The following SDK2 variants were observed in gnomAD, a reference collection of about 807,000 sequenced individuals.
SDK2 encodes the protein protein sidekick-2.
Under a neutral mutation model 253.9 loss-of-function variants are expected in SDK2, and 105 were observed. The observed-to-expected ratio is 0.41, with a 90% CI of 0.35 to 0.49. The LOEUF is 0.49. Ranked by LOEUF, SDK2 falls within the 20% of genes least tolerant of loss-of-function variation. The pLI is 0.06. For missense variants in SDK2, 2,608 were observed against 3,003.0 expected, an observed-to-expected ratio of 0.87 and a Z score of 3.07; for synonymous variants, 1,249 against 1,234.9, an observed-to-expected ratio of 1.01 and a Z score of -0.24.
At chr17:73,614,607 C>T (rs74644511) in intron 1 of SDK2, among the ~76,000 whole-genome samples, 15 of 35,312 alleles carry the variant, frequency 4.2e-4, no homozygotes, top group African/African-American at 1.6e-3. Context: ...ATTGAAAAGG[C>T]GGAGGGAGGG....
intron 3 of SDK2, among the ~76,000 whole-genome samples, chr17:73,464,684 TCTC>T (rs1175854941): frequency 1.3e-5 from 2 of 152,130 alleles, no homozygotes; most frequent in African/African-American, 4.8e-5. Context: ...CCTGGAATGA[TCTC>T]CTCCTCTGTC....
chr17:73,363,546 C>A (rs2062658858), intron 38 of SDK2, among the ~76,000 whole-genome samples: 1 of 152,132 alleles, frequency 6.6e-6, no homozygotes, highest in Non-Finnish European at 1.5e-5. Context: ...GGCTGCTGGG[C>A]TTTTGTGAGG....
At chr17:73,524,860 C>T (rs966465634) in intron 1 of SDK2, among the ~76,000 whole-genome samples, 1 of 152,268 alleles carries the variant, frequency 6.6e-6, no homozygotes, top group African/African-American at 2.4e-5. Context: ...ACAGAGCCAT[C>T]GCTGGGTGCT....
rs58109602 is a variant in SDK2 at position 73,409,853 on chromosome 17, GTC to G, written c.2484+4789_2484+4790del. On this transcript the variant is annotated intron_variant, in intron 18 of 44. Coordinates refer to ENST00000392650, the MANE Select transcript of SDK2 (RefSeq NM_001144952.2). ...TCTCTGTGTCTGTCTGTCTGTCTCT[GTC>G]TCTCTCTTTCTTTTTTTGACACAGG... is the stretch of plus-strand genomic sequence containing the variant. Among the ~76,000 whole-genome samples the G allele has an allele frequency of 3.6e-3, 549 of 151,974 alleles. 2 individuals carry two copies. The highest frequency in any genetic ancestry group is 0.013 in the African/African-American group (520 of 41,400).
chr17:73,602,715 T>TG (rs1039729065), intron 1 of SDK2, among the ~76,000 whole-genome samples: 1 of 151,954 alleles, frequency 6.6e-6, no homozygotes, highest in Non-Finnish European at 1.5e-5. Flanking sequence ...TTCTCAACCC[T>TG]GGCGCTATTT....
intron 1 of SDK2, among the ~76,000 whole-genome samples, chr17:73,594,452 TTGG>T (rs2045725421): frequency 6.6e-6 from 1 of 151,890 alleles, no homozygotes; most frequent in South Asian, 2.1e-4. Flanking sequence ...CTGGAAAGTG[TTGG>T]TGGTGGGGAT....
intron 2 of SDK2, among the ~76,000 whole-genome samples, chr17:73,497,724 AC>A (rs567415608): frequency 1.7e-4 from 25 of 151,324 alleles, no homozygotes; most frequent in African/African-American, 6.1e-4. Context: ...GCTCTCTTCC[AC>A]CCGCTTCTCA....
In SDK2 at chr17:73,361,698, G is replaced by C; in HGVS notation, c.5453C>G (p.Thr1818Arg). 6.2e-7 allele frequency: 1 copy of C among 1,611,820 alleles called. No homozygotes were observed. The highest frequency in any genetic ancestry group is 8.5e-7 in the Non-Finnish European group (1 of 1,178,092). The stretch of plus-strand genomic sequence containing the variant: ...TGCTCTCCTACCTTCTCCGGGGCCC[G>C]TGGTGACGTTGGCTTCGATCTCCGG... ...YGPEIEANVT[T>R]GPGEGAPGPP... The change falls in exon 39 of 45, where the codon ACG becomes AGG. Residue 1818 changes from threonine (T) to arginine (R), a missense_variant. Thr to Arg is a moderately conservative substitution (Grantham distance 71). This residue lies in a region of SDK2 where 1,103 missense variants were observed against 1,143.9 expected (regional missense o/e 0.96). Transcript: ENST00000392650. The surrounding 1 kb of genome is among the most constrained non-coding windows in gnomAD (Gnocchi z 4.1).
At chr17:73,438,219 C>T (rs1361768521) in intron 6 of SDK2, 65 bp from the exon 7 acceptor site, 10 of 1,452,174 alleles carry the variant, frequency 6.9e-6, no homozygotes, top group Middle Eastern at 1.8e-4. Flanking sequence ...AGAGGCAGGG[C>T]AGGGGGTGGT....
rs954179972 is a variant in SDK2, at chr17:73,352,095, A to G, written c.5758+378T>C. ...CCCACCTGTGTCTCTGCTGCTCTGC[A>G]GGCTGCTGACCCTGCCACGTTGGGG... On this transcript the variant is annotated intron_variant, in intron 41 of 44. Transcript: ENST00000392650. The surrounding 1 kb of genome is among the most constrained non-coding windows in gnomAD (Gnocchi z 4.1). Among the ~76,000 whole-genome samples, 1 of 152,078 alleles carries G rather than the reference A, an allele frequency of 6.6e-6. No homozygotes were observed. The highest frequency in any genetic ancestry group is 1.5e-5 in the Non-Finnish European group (1 of 68,004).
intron 10 of SDK2, among the ~76,000 whole-genome samples, chr17:73,433,448 G>A (rs921431988): frequency 2.0e-5 from 3 of 152,086 alleles, no homozygotes; most frequent in South Asian, 2.1e-4. Context: ...CACCATGCCC[G>A]GCTAATTTTG....
intron 1 of SDK2, among the ~76,000 whole-genome samples, chr17:73,535,556 T>G (rs140810518): frequency 3.9e-5 from 6 of 152,324 alleles, no homozygotes; most frequent in Non-Finnish European, 7.3e-5. Context: ...TGGTGAACAC[T>G]TAACATCCTG....
At chr17:73,622,823 A>AT (rs2046150021) in intron 1 of SDK2, among the ~76,000 whole-genome samples, 1 of 152,120 alleles carries the variant, frequency 6.6e-6, no homozygotes, top group Admixed American at 6.5e-5. Context: ...TCTGGTTTTC[A>AT]TTTTTTGGGG....
chr17:73,626,831 A>ACCCCAGAGGGTTT (rs2046208790), intron 1 of SDK2, among the ~76,000 whole-genome samples: 1 of 151,962 alleles, frequency 6.6e-6, no homozygotes, highest in South Asian at 2.1e-4. Flanking sequence ...TTCGATGTGG[A>ACCCCAGAGGGTTT]CCCCAGAGGG....
intron 33 of SDK2, among the ~76,000 whole-genome samples, chr17:73,382,420 A>G (rs1175662511): frequency 6.6e-6 from 1 of 152,196 alleles, no homozygotes; most frequent in Admixed American, 6.5e-5. Flanking sequence ...AAAAATCTCT[A>G]GTGGTCTGAG....
intron 1 of SDK2, among the ~76,000 whole-genome samples, chr17:73,640,703 AG>A (rs1013948083): frequency 6.6e-6 from 1 of 152,208 alleles, no homozygotes; most frequent in Non-Finnish European, 1.5e-5. Flanking sequence ...ATTAGCTCCC[AG>A]CACTAAACTT....
Position 73,339,213 on chromosome 17 carries a change from G to GTTTTTTTTGTT in SDK2, c.6166-274_6166-273insAACAAAAAAAA, listed in dbSNP as rs1568356151. ...TACCTGATAGAATCAGAAGACCTGA[G>GTTTTTTTTGTT]TTTTTTTTTGTTTTTGTTTTTGTTT... On this transcript the variant is annotated intron_variant, in intron 44 of 44. Coordinates refer to ENST00000392650, the MANE Select transcript of SDK2 (RefSeq NM_001144952.2). Among the ~76,000 whole-genome samples, 9 of 127,664 alleles carry GTTTTTTTTGTT rather than the reference G, an allele frequency of 7.0e-5. 1 individual carries two copies. The highest frequency in any genetic ancestry group is 1.2e-4 in the Non-Finnish European group (7 of 58,728). The allele number at this position is 127,664 out of a possible 152,430, so 83.8% of individuals were successfully genotyped here.
chr17:73,379,620 G>C lies in SDK2; in HGVS notation c.4763-71C>G. ...ATTGCTGGGAAGGTGTCCCCAGGGA[G>C]GGTGGAGGCTGCAGGGGGAGGAATG... On this transcript the variant is annotated intron_variant, in intron 34 of 44. Transcript: ENST00000392650. The surrounding 1 kb of genome is among the most constrained non-coding windows in gnomAD (Gnocchi z 4.5). 6 of 923,732 alleles carry C rather than the reference G, an allele frequency of 6.5e-6. No individual in the cohort carries two copies. The highest frequency in any genetic ancestry group is 2.2e-5 in the Admixed American group (1 of 46,448). 57.2% of individuals were successfully genotyped at this position (923,732 alleles called of 1,614,324 possible).
At chr17:73,463,187 G>A (rs567083679) in intron 3 of SDK2, among the ~76,000 whole-genome samples, 3 of 152,294 alleles carry the variant, frequency 2.0e-5, no homozygotes, top group Middle Eastern at 3.4e-3. Flanking sequence ...TTGCTAATAC[G>A]CCGTGTTATG....
Sources: gnomAD v4.1 joint callset for allele counts (sites outside exome capture counted in the v4.1 genomes callset) on GRCh38, gnomAD v4.1.1 for gene constraint, gnomAD v4.1.1 regional missense constraint, Gnocchi (gnomAD v3.1) non-coding constraint, MANE v1.5 for transcripts, NCBI Gene and HGNC (gene_info 2026-07-23, HGNC 2026-07-21) for gene names.